The following CPM variants were observed in gnomAD, a reference collection of about 807,000 sequenced individuals.
The protein encoded by CPM is carboxypeptidase M, also known as renal carboxypeptidase.
CPM carries 35 observed loss-of-function variants against 46.4 expected under a neutral mutation model. That is an observed-to-expected ratio of 0.75 (90% CI 0.58 to 1.00). The LOEUF is 1.00. CPM is among the 50% of genes least tolerant of loss of function. CPM has a pLI of 0.00. For synonymous variants in CPM, 195 were observed against 195.3 expected (o/e 1.00, Z 0.01); for missense variants, 422 against 530.4 (o/e 0.80, Z 2.01).
At chr12:68,891,729 T>TC (rs1039718197) in intron 2 of CPM, among the ~76,000 whole-genome samples, 6 of 152,096 alleles carry the variant, frequency 3.9e-5, no homozygotes, top group Non-Finnish European at 8.8e-5. Flanking sequence ...GTTGTTTTGT[T>TC]TTTTTGGGTT....
intron 3 of CPM, among the ~76,000 whole-genome samples, chr12:68,875,786 A>G (rs1430742793): frequency 6.7e-6 from 1 of 149,782 alleles, no homozygotes; most frequent in Non-Finnish European, 1.5e-5. Flanking sequence ...AGCCTGGGCA[A>G]CAGCGAGACT....
At position 68,866,943 on chromosome 12, in the gene CPM, T is replaced by C. The variant is rs1885477571; in HGVS notation, c.893A>G (p.Asn298Ser). ...TTCAATTAATGAGGCTTTGTTATTA[T>C]TCCAAAAGGATGGAAGCTTCTCCTC... is the stretch of plus-strand genomic sequence containing the variant. ...PREEKLPSFW[N>S]NNKASLIEYI... The change falls in exon 7 of 9, where the codon AAT becomes AGT. Residue 298 changes from asparagine to serine, a missense_variant. Asn to Ser is a conservative substitution (Grantham distance 46, BLOSUM62 1). Coordinates refer to ENST00000551568, the MANE Select transcript of CPM (RefSeq NM_198320.5). 1 of 1,614,062 alleles carries C rather than the reference T, an allele frequency of 6.2e-7. No homozygotes were observed. Among genetic ancestry groups the C allele is most frequent in the Admixed American group, 1.7e-5 (1 of 60,004 alleles).
chr12:68,865,492 C>T (rs1885397178), intron 7 of CPM, among the ~76,000 whole-genome samples: 1 of 152,142 alleles, frequency 6.6e-6, no homozygotes, highest in Non-Finnish European at 1.5e-5. Context: ...TGCTACCTTC[C>T]CTCATCCTTC....
chr12:68,874,903 A>T (rs527383898), intron 3 of CPM, among the ~76,000 whole-genome samples: 1 of 152,322 alleles, frequency 6.6e-6, no homozygotes, highest in East Asian at 1.9e-4. Context: ...GCATGCAAAC[A>T]ATCACGACAC....
At chr12:68,961,523 C>T (rs1372957420) in intron 1 of CPM, among the ~76,000 whole-genome samples, 1 of 152,188 alleles carries the variant, frequency 6.6e-6, no homozygotes, top group Admixed American at 6.5e-5. Flanking sequence ...AACTCCTGGG[C>T]TCAAGCAATC....
In CPM at chr12:68,917,461, G is replaced by A. The variant is rs149406490; in HGVS notation, c.160+15217C>T. On this transcript the variant is annotated intron_variant, in intron 2 of 8. Transcript: ENST00000551568. The stretch of plus-strand genomic sequence containing the variant: ...TATAATTTCACTAACTATACTTTGG[G>A]ATATAGAAATTAACTTTATGGCTCT... Among the ~76,000 whole-genome samples, 1,163 of 152,246 alleles carry A rather than the reference G, an allele frequency of 7.6e-3. 11 individuals carry two copies. Among genetic ancestry groups the A allele is most frequent in the Non-Finnish European group, 0.012 (809 of 68,024 alleles).
At chr12:68,916,018 T>C (rs1357485809) in intron 2 of CPM, among the ~76,000 whole-genome samples, 1 of 152,194 alleles carries the variant, frequency 6.6e-6, no homozygotes, top group Admixed American at 6.5e-5. Context: ...ATTTTCCCAC[T>C]CTCTTTGCTC....
chr12:68,928,376 T>C (rs568436009), intron 2 of CPM, among the ~76,000 whole-genome samples: 1 of 152,310 alleles, frequency 6.6e-6, no homozygotes, highest in East Asian at 1.9e-4. Context: ...TAATTCAAGA[T>C]GGATTAAAGA....
chr12:68,949,915 C>A (rs571407586), intron 1 of CPM, among the ~76,000 whole-genome samples: 2 of 152,174 alleles, frequency 1.3e-5, no homozygotes, highest in Admixed American at 6.5e-5. Context: ...CAGGTCAAGA[C>A]CTGGAAGAGT....
rs1884944828 is a variant in CPM, at chr12:68,855,847, T to C, written c.*590A>G. On this transcript the variant is annotated 3_prime_UTR_variant, in exon 9 of 9. Transcript: ENST00000551568. ...TCCGCCTCTAGGGTTCAAGCGATTC[T>C]CCTGTCTCAGCCTCCTGAAAGGCTG... is the stretch of plus-strand genomic sequence containing the variant. 6.5e-6 allele frequency: 1 copy of C among 152,676 alleles called. No homozygotes were observed. 9.5% of individuals were successfully genotyped at this position (152,676 alleles called of 1,614,324 possible).
chr12:68,874,621 CA>C (rs201352516), intron 3 of CPM, among the ~76,000 whole-genome samples: 457 of 151,792 alleles, frequency 3.0e-3, no homozygotes, highest in African/African-American at 0.011. Flanking sequence ...GAAAAAAAAC[CA>C]AAAAAATGTG....
intron 1 of CPM, among the ~76,000 whole-genome samples, chr12:68,938,480 C>T (rs570306316): frequency 1.3e-5 from 2 of 152,094 alleles, no homozygotes; most frequent in South Asian, 4.1e-4. Flanking sequence ...TAATGTGGCA[C>T]ATTTGTTTCT....
chr12:68,958,651 G>A (rs185679097), intron 1 of CPM, among the ~76,000 whole-genome samples: 40 of 152,112 alleles, frequency 2.6e-4, no homozygotes, highest in African/African-American at 8.9e-4. Flanking sequence ...TCCCCTCCCT[G>A]CTTCCTCTCT....
intron 2 of CPM, among the ~76,000 whole-genome samples, chr12:68,896,290 C>T (rs968250825): frequency 9.2e-5 from 14 of 152,280 alleles, no homozygotes; most frequent in East Asian, 5.8e-4. Context: ...TCCCCTACCA[C>T]CCTAAGTTAG....
At chr12:68,946,813 T>C (rs1888855473) in intron 1 of CPM, among the ~76,000 whole-genome samples, 1 of 151,984 alleles carries the variant, frequency 6.6e-6, no homozygotes, top group South Asian at 2.1e-4. Flanking sequence ...TACAGAGAAA[T>C]AAGGTAGAGA....
intron 2 of CPM, among the ~76,000 whole-genome samples, chr12:68,900,000 G>A (rs1887048480): frequency 6.6e-6 from 1 of 152,102 alleles, no homozygotes; most frequent in African/African-American, 2.4e-5. Flanking sequence ...TAATGTGTGA[G>A]TGCTTATTTT....
intron 2 of CPM, among the ~76,000 whole-genome samples, chr12:68,904,732 G>A (rs1331103021): frequency 2.0e-5 from 3 of 152,200 alleles, no homozygotes; most frequent in Non-Finnish European, 2.9e-5. Context: ...AGAGACCCGT[G>A]AGAAAGCAGA....
chr12:68,856,952 A>C (rs1361754016), intron 8 of CPM, among the ~76,000 whole-genome samples: 1 of 152,196 alleles, frequency 6.6e-6, no homozygotes, highest in African/African-American at 2.4e-5. Flanking sequence ...CAAGAGAAGG[A>C]AGCAGCAGAT....
At chr12:68,932,640 C>G in intron 2 of CPM, 38 bp downstream of exon 2, 1 of 1,609,810 alleles carries the variant, frequency 6.2e-7, no homozygotes, top group Non-Finnish European at 8.5e-7. Context: ...AAAGGGAGGA[C>G]TGAGGGTTTG....
Sources: allele counts gnomAD v4.1 joint callset (sites outside exome capture counted in the v4.1 genomes callset), GRCh38; gene constraint gnomAD v4.1.1; transcripts MANE v1.5; gene names NCBI Gene and HGNC (gene_info 2026-07-23, HGNC 2026-07-21).